ITGA11: variants seen among roughly 807,000 people sequenced by gnomAD.
The protein encoded by ITGA11 is integrin subunit alpha 11.
In ITGA11, 97 loss-of-function variants were observed where a neutral mutation model predicts 141.9. That is an observed-to-expected ratio of 0.68 (90% CI 0.58 to 0.81). ITGA11 has a LOEUF of 0.81. Among genes scored for constraint, ITGA11 ranks in the 30% least tolerant of loss-of-function variants. The probability of loss-of-function intolerance (pLI) is 0.00; values close to 1 mark genes in which losing one functional copy is unlikely to be tolerated. For missense variants in ITGA11, 1,387 were observed against 1,559.2 expected, an observed-to-expected ratio of 0.89 and a Z score of 1.86; for synonymous variants, 658 against 624.6, an observed-to-expected ratio of 1.05 and a Z score of -0.80.
chr15:68,303,010 C>T lies in ITGA11; in HGVS notation c.*49G>A. The T allele has an allele frequency of 6.8e-7, 1 of 1,464,532 alleles. No homozygotes were observed. The highest frequency in any genetic ancestry group is 9.3e-7 in the Non-Finnish European group (1 of 1,075,120). 90.7% of individuals were successfully genotyped at this position (1,464,532 alleles called of 1,614,324 possible). ...GCCACAGGCCTGGGTCTCAACACTA[C>T]CTGGACTGGTGTCCTGGCCCCCATC... On this transcript the variant is annotated 3_prime_UTR_variant, in exon 30 of 30. Transcript: ENST00000315757. The surrounding 1 kb of genome is among the most constrained non-coding windows in gnomAD (Gnocchi z 5.3).
At chr15:68,377,873 C>G (rs1462112972) in intron 2 of ITGA11, among the ~76,000 whole-genome samples, 1 of 152,182 alleles carries the variant, frequency 6.6e-6, no homozygotes, top group Non-Finnish European at 1.5e-5. Flanking sequence ...TCCTAGGGGT[C>G]AAGGGGACAG....
chr15:68,416,429 G>C (rs114491748), intron 1 of ITGA11, among the ~76,000 whole-genome samples: 41 of 152,254 alleles, frequency 2.7e-4, no homozygotes, highest in African/African-American at 9.6e-5. Context: ...TGAGAGCCTC[G>C]GCAGTCCTTT....
chr15:68,386,306 G>A (rs1359945642), intron 2 of ITGA11, among the ~76,000 whole-genome samples: 1 of 152,160 alleles, frequency 6.6e-6, no homozygotes, highest in Non-Finnish European at 1.5e-5. Flanking sequence ...GGCCATGGTG[G>A]ATGATTTGCT....
chr15:68,381,405 G>A (rs1263437005), intron 2 of ITGA11, among the ~76,000 whole-genome samples: 1 of 152,196 alleles, frequency 6.6e-6, no homozygotes, highest in Non-Finnish European at 1.5e-5. Context: ...GGACATGTGT[G>A]CCTCTCCATT....
intron 10 of ITGA11, among the ~76,000 whole-genome samples, chr15:68,344,466 C>G (rs1172708146): frequency 6.6e-6 from 1 of 152,134 alleles, no homozygotes; most frequent in Non-Finnish European, 1.5e-5. Context: ...TAGCCAATAC[C>G]CTTCATTGTC....
intron 18 of ITGA11, among the ~76,000 whole-genome samples, chr15:68,323,806 C>T (rs75158094): frequency 0.018 from 2,705 of 152,238 alleles, 38 homozygotes; most frequent in Middle Eastern, 0.075. Context: ...GCCAAAGGCT[C>T]CCTCCTCCAG....
At chr15:68,389,756 G>T (rs770321754) in intron 2 of ITGA11, among the ~76,000 whole-genome samples, 18 of 152,154 alleles carry the variant, frequency 1.2e-4, no homozygotes, top group Non-Finnish European at 2.2e-4. Context: ...TCATGGAGAG[G>T]AGGAGAAACG....
intron 7 of ITGA11, among the ~76,000 whole-genome samples, chr15:68,351,847 C>T (rs1317796158): frequency 6.6e-6 from 1 of 151,924 alleles, no homozygotes; most frequent in Non-Finnish European, 1.5e-5. Flanking sequence ...CTGTGGGAGC[C>T]GAAGGCGGGC....
chr15:68,366,948 G>A (rs1041265243), intron 3 of ITGA11, among the ~76,000 whole-genome samples: 19 of 152,128 alleles, frequency 1.2e-4, no homozygotes, highest in Admixed American at 9.2e-4. Context: ...TCCTGGCATC[G>A]TGCTGCCCAG....
chr15:68,299,114 C>T lies in ITGA11; in HGVS notation c.*3945G>A, dbSNP rs1387117718. 2 of 152,206 alleles carry T rather than the reference C, an allele frequency of 1.3e-5. No individual in the cohort carries two copies. The highest frequency in any genetic ancestry group is 1.5e-5 in the Non-Finnish European group (1 of 68,046). 9.4% of individuals were successfully genotyped at this position (152,206 alleles called of 1,614,324 possible). A position where few individuals can be genotyped will look rare whatever the true frequency, so the allele number is the denominator to read the frequency against. On this transcript the variant is annotated 3_prime_UTR_variant, in exon 30 of 30. Coordinates refer to ENST00000315757, the MANE Select transcript of ITGA11 (RefSeq NM_001004439.2). ...GTGCCCATCCTTTAAAAATAACTTTCTGCTTGTACTCTACTTTGGACCTGG... is the reference window on the plus strand; with the variant it reads ...GTGCCCATCCTTTAAAAATAACTTTTTGCTTGTACTCTACTTTGGACCTGG...
Position 68,315,726 on chromosome 15 carries a change from AC to A in ITGA11, c.2716del (p.Val906TrpfsTer60). 1 of 1,610,054 alleles carries A rather than the reference AC, an allele frequency of 6.2e-7. No homozygotes were observed. Among genetic ancestry groups the A allele is most frequent in the South Asian group, 1.1e-5 (1 of 90,330 alleles). ...GAACTCAAAATCAAGACGGAAAGCC[AC>A]CTGCAAGGAAGCAGTCGCATGTCTG... ...SYPFFRAKAKVAFRLDFEFSK... is the reference protein window; with the variant it reads ...SYPFFRAKAKXAFRLDFEFSK... On this transcript the variant is annotated frameshift_variant and splice_region_variant, in exon 22 of 30. Coordinates refer to ENST00000315757, the MANE Select transcript of ITGA11 (RefSeq NM_001004439.2). LOFTEE classifies it high-confidence loss of function.
At chr15:68,364,647 A>ACCCCACCCCC in intron 4 of ITGA11, 60 bp downstream of exon 4, 2 of 904,822 alleles carry the variant, frequency 2.2e-6, no homozygotes, top group Non-Finnish European at 1.8e-6. Context: ...GAGACGCTCC[A>ACCCCACCCCC]CCCCTCCCCA....
chr15:68,362,391 T>A (rs914582779), intron 4 of ITGA11, among the ~76,000 whole-genome samples: 1 of 152,240 alleles, frequency 6.6e-6, no homozygotes, highest in Non-Finnish European at 1.5e-5. Flanking sequence ...GGAGTAATTA[T>A]TCTACTTCCG....
intron 5 of ITGA11, among the ~76,000 whole-genome samples, chr15:68,360,770 T>A (rs1420159654): frequency 6.6e-6 from 1 of 152,170 alleles, no homozygotes; most frequent in African/African-American, 2.4e-5. Context: ...TTTGTGTGAA[T>A]AGAATCCATG....
chr15:68,410,550 C>T (rs1024530014), intron 1 of ITGA11, among the ~76,000 whole-genome samples: 1 of 152,190 alleles, frequency 6.6e-6, no homozygotes, highest in African/African-American at 2.4e-5. Context: ...ACAACCCATT[C>T]AAAAGTGAAG....
chr15:68,307,783 T>C lies in ITGA11; in HGVS notation c.3175-87A>G. ...ACTGCTTGAACGACTGGGGCTCTGC[T>C]CCTGGGGGCAGGGGCAGAGGACAGG... On this transcript the variant is annotated intron_variant, in intron 26 of 29. Coordinates refer to ENST00000315757, the MANE Select transcript of ITGA11 (RefSeq NM_001004439.2). This position sits in a 1 kb window ranked among gnomAD's most constrained non-coding sequence, Gnocchi z 6.1. The C allele has an allele frequency of 8.1e-6, 7 of 869,078 alleles. No homozygotes were observed. Among genetic ancestry groups the C allele is most frequent in the Non-Finnish European group, 1.1e-5 (6 of 538,204 alleles). 53.8% of individuals were successfully genotyped at this position (869,078 alleles called of 1,614,324 possible).
intron 2 of ITGA11, among the ~76,000 whole-genome samples, chr15:68,401,482 GA>G (rs2140411015): frequency 6.6e-6 from 1 of 152,264 alleles, no homozygotes; most frequent in East Asian, 1.9e-4. Context: ...ACACTAAACT[GA>G]AATACATTGT....
intron 9 of ITGA11, among the ~76,000 whole-genome samples, chr15:68,350,242 T>C (rs1037477631): frequency 1.3e-5 from 2 of 152,298 alleles, no homozygotes; most frequent in Non-Finnish European, 2.9e-5. Flanking sequence ...TGGAGTGCAG[T>C]GGCATGATAT....
intron 1 of ITGA11, among the ~76,000 whole-genome samples, chr15:68,421,462 G>C (rs1897014998): frequency 6.6e-6 from 1 of 152,164 alleles, no homozygotes; most frequent in African/African-American, 2.4e-5. Flanking sequence ...GCAGGGACAT[G>C]ACATGATGTG....
Sources: allele counts gnomAD v4.1 joint callset (sites outside exome capture counted in the v4.1 genomes callset), GRCh38; gene constraint gnomAD v4.1.1; non-coding constraint Gnocchi (gnomAD v3.1); transcripts MANE v1.5; gene names NCBI Gene and HGNC (gene_info 2026-07-23, HGNC 2026-07-21).